COL26A1: variants seen among roughly 807,000 people sequenced by gnomAD.
COL26A1 encodes the protein collagen alpha-1(XXVI) chain.
In COL26A1, 41 loss-of-function variants were observed where a neutral mutation model predicts 59.3. The ratio of observed to expected loss-of-function variants is 0.69; its 90% confidence interval spans 0.54 to 0.90. The LOEUF is 0.90. Among genes scored for constraint, COL26A1 ranks in the 40% least tolerant of loss-of-function variants. The pLI is 0.00. For synonymous variants in COL26A1, 266 were observed against 256.0 expected (o/e 1.04, Z -0.37); for missense variants, 612 against 602.3 (o/e 1.02, Z -0.17).
intron 1 of COL26A1, 75 bp from the exon 2 acceptor site, chr7:101,419,902 C>T (rs1385409458): frequency 5.2e-6 from 8 of 1,549,024 alleles, no homozygotes; most frequent in Non-Finnish European, 7.0e-6. Context: ...CCTCCCTGTC[C>T]AGCACGGCCC....
chr7:101,362,999 C>T lies in COL26A1; in HGVS notation c.-34C>T, dbSNP rs745518366. ...GTGCGCTCCTGCCGGTCCTCGTGCC[C>T]GGGACTCCGGGTCCCCGCGGGCTGC... On this transcript the variant is annotated 5_prime_UTR_variant, in exon 1 of 13. Transcript: ENST00000313669. 2.1e-5 allele frequency: 32 copies of T among 1,550,550 alleles called. No individual in the cohort carries two copies. The South Asian group carries it at 3.2e-4, about 15-fold the overall frequency.
intron 3 of COL26A1, among the ~76,000 whole-genome samples, chr7:101,480,059 G>T (rs1340793532): frequency 2.0e-5 from 3 of 152,128 alleles, no homozygotes; most frequent in African/African-American, 7.2e-5. Context: ...CTGGGCTCAA[G>T]CAGTCCTTCC....
chr7:101,491,325 A>G (rs1178885736), intron 3 of COL26A1, among the ~76,000 whole-genome samples: 1 of 152,132 alleles, frequency 6.6e-6, no homozygotes, highest in Non-Finnish European at 1.5e-5. Context: ...CAGACACTAC[A>G]GAGAGCTGGT....
chr7:101,513,855 C>T (rs368970134), intron 3 of COL26A1, among the ~76,000 whole-genome samples: 12 of 152,094 alleles, frequency 7.9e-5, no homozygotes, highest in African/African-American at 1.4e-4. Context: ...ATGAAATTGA[C>T]GACGGGCTGG....
At chr7:101,521,794 C>T (rs1795144957) in intron 3 of COL26A1, among the ~76,000 whole-genome samples, 1 of 152,080 alleles carries the variant, frequency 6.6e-6, no homozygotes, top group South Asian at 2.1e-4. Flanking sequence ...TGACTCTCCC[C>T]ACGGGTAACC....
Position 101,557,455 on chromosome 7 carries a change from C to A in COL26A1, c.1251C>A (p.Pro417=). The part of the protein sequence containing the change: ...NLKMKRGGAQ[P]DGVLAALLGP... ...AGATGAAGAGGGGTGGCGCCCAACC[C>A]GATGGGGTCCTTGCTGCCCTGCTTG... The change falls in exon 13 of 13, where the codon CCC becomes CCA. Residue 417 remains proline (P), a synonymous_variant. Coordinates refer to ENST00000313669, the MANE Select transcript of COL26A1 (RefSeq NM_001278563.3). 6.2e-7 allele frequency: 1 copy of A among 1,613,718 alleles called. No homozygotes were observed. The highest frequency in any genetic ancestry group is 8.5e-7 in the Non-Finnish European group (1 of 1,179,732).
At chr7:101,510,800 G>A (rs1457358539) in intron 3 of COL26A1, among the ~76,000 whole-genome samples, 7 of 152,164 alleles carry the variant, frequency 4.6e-5, no homozygotes, top group South Asian at 2.1e-4. Flanking sequence ...GATTACAGGC[G>A]TGAGCCACTG....
At chr7:101,504,159 G>A (rs1242700106) in intron 3 of COL26A1, among the ~76,000 whole-genome samples, 2 of 152,040 alleles carry the variant, frequency 1.3e-5, no homozygotes, top group African/African-American at 4.8e-5. Flanking sequence ...GGAGTGCAGT[G>A]GTGCAATCTC....
intron 3 of COL26A1, among the ~76,000 whole-genome samples, chr7:101,512,135 G>T (rs1238069897): frequency 2.0e-5 from 3 of 152,220 alleles, no homozygotes; most frequent in African/African-American, 7.2e-5. Flanking sequence ...GGAGGTCGGG[G>T]TGGAGTGAGA....
chr7:101,387,778 A>ATATATTTT (rs773025730), intron 1 of COL26A1, among the ~76,000 whole-genome samples: 66 of 84,772 alleles, frequency 7.8e-4, no homozygotes, highest in African/African-American at 3.1e-3. Flanking sequence ...ATATATATAT[A>ATATATTTT]TTTTTTTTTA....
chr7:101,536,032 T>A (rs989084946), intron 4 of COL26A1, among the ~76,000 whole-genome samples: 1 of 151,974 alleles, frequency 6.6e-6, no homozygotes, highest in African/African-American at 2.4e-5. Context: ...CTCTAGGAGG[T>A]TTTTTTAGAC....
intron 3 of COL26A1, among the ~76,000 whole-genome samples, chr7:101,472,153 C>T (rs1266844922): frequency 6.6e-6 from 1 of 151,998 alleles, no homozygotes; most frequent in Non-Finnish European, 1.5e-5. Flanking sequence ...TATAGGCATG[C>T]GCCATCACGC....
intron 1 of COL26A1, among the ~76,000 whole-genome samples, chr7:101,397,511 C>A (rs1383870251): frequency 7.1e-6 from 1 of 141,014 alleles, no homozygotes; most frequent in Non-Finnish European, 1.5e-5. Context: ...TCCTTCCCTT[C>A]CCTTCCCTTC....
intron 3 of COL26A1, among the ~76,000 whole-genome samples, chr7:101,469,756 A>C (rs1039105646): frequency 7.9e-5 from 12 of 151,268 alleles, no homozygotes; most frequent in South Asian, 2.1e-4. Context: ...TCCCAAAGTG[A>C]TGGGATTACA....
At chr7:101,475,602 G>A (rs1035626596) in intron 3 of COL26A1, among the ~76,000 whole-genome samples, 26 of 151,898 alleles carry the variant, frequency 1.7e-4, no homozygotes, top group South Asian at 2.1e-4. Flanking sequence ...GGCTGGACGC[G>A]AGTGTGTGTG....
chr7:101,532,800 C>T (rs1795396658), intron 3 of COL26A1, among the ~76,000 whole-genome samples: 1 of 152,160 alleles, frequency 6.6e-6, no homozygotes, highest in East Asian at 1.9e-4. Context: ...GAAAAAGACC[C>T]CTGCCTTCAT....
chr7:101,397,937 C>T (rs1016458719), intron 1 of COL26A1, among the ~76,000 whole-genome samples: 2 of 152,204 alleles, frequency 1.3e-5, no homozygotes, highest in Admixed American at 1.3e-4. Flanking sequence ...ATTTCCAGCA[C>T]CCAGAGGGCT....
intron 1 of COL26A1, among the ~76,000 whole-genome samples, chr7:101,412,481 C>T (rs1792265316): frequency 6.6e-6 from 1 of 151,902 alleles, no homozygotes; most frequent in African/African-American, 2.4e-5. Flanking sequence ...CCCCTCTCTA[C>T]TAAAAGTATA....
At chr7:101,543,948 G>A (rs1171669411) in intron 5 of COL26A1, 50 bp from the exon 6 acceptor site, 1 of 1,376,106 alleles carries the variant, frequency 7.3e-7, no homozygotes, top group African/African-American at 1.4e-5. Context: ...GGAGCCACTG[G>A]AGGCTGGGGG....
Sources: gnomAD v4.1 joint callset for allele counts (sites outside exome capture counted in the v4.1 genomes callset) on GRCh38, gnomAD v4.1.1 for gene constraint, MANE v1.5 for transcripts, NCBI Gene and HGNC (gene_info 2026-07-23, HGNC 2026-07-21) for gene names.